The following CSMD3 variants were observed in gnomAD, a reference collection of about 807,000 sequenced individuals.
CSMD3 encodes the protein CUB and sushi domain-containing protein 3.
In CSMD3, 177 loss-of-function variants were observed where a neutral mutation model predicts 435.2. The ratio of observed to expected loss-of-function variants is 0.41; its 90% CI spans 0.36 to 0.46. The LOEUF is 0.46. Ranked by LOEUF, CSMD3 falls within the 20% of genes least tolerant of loss-of-function variation. The probability of loss-of-function intolerance (pLI) is 0.34; values close to 1 mark genes in which losing one functional copy is unlikely to be tolerated. For missense variants in CSMD3, 4,265 were observed against 4,504.6 expected (o/e 0.95, Z 1.52); for synonymous variants, 1,656 against 1,520.5 (o/e 1.09, Z -2.07).
chr8:112,991,401 A>G (rs571831473), intron 6 of CSMD3, among the ~76,000 whole-genome samples: 23 of 151,932 alleles, frequency 1.5e-4, no homozygotes, highest in African/African-American at 5.5e-4. Flanking sequence ...CAACTACAGT[A>G]CATGTGCAAA....
intron 22 of CSMD3, among the ~76,000 whole-genome samples, chr8:112,598,496 T>G (rs200020303): frequency 6.7e-6 from 1 of 148,478 alleles, no homozygotes. Context: ...AATGACTTTC[T>G]TCACAGAATT....
intron 63 of CSMD3, 22 bp downstream of exon 63, chr8:112,254,231 T>C (rs781351981): frequency 1.9e-6 from 3 of 1,567,958 alleles, no homozygotes; most frequent in Admixed American, 1.7e-5. Context: ...TGATGCTAAA[T>C]GGACATAGCT....
intron 5 of CSMD3, among the ~76,000 whole-genome samples, chr8:113,080,831 G>C (rs540483853): frequency 6.6e-6 from 1 of 152,044 alleles, no homozygotes; most frequent in African/African-American, 2.4e-5. Flanking sequence ...AAAAACTCAC[G>C]ATATTTTTAC....
intron 10 of CSMD3, among the ~76,000 whole-genome samples, chr8:112,917,353 T>C (rs1345561754): frequency 6.6e-6 from 1 of 151,894 alleles, no homozygotes; most frequent in Non-Finnish European, 1.5e-5. Context: ...TAAGGGAATA[T>C]TGAAATAGGA....
intron 3 of CSMD3, among the ~76,000 whole-genome samples, chr8:113,232,737 T>C (rs2093102642): frequency 6.6e-6 from 1 of 151,772 alleles, no homozygotes. Flanking sequence ...TAGCATTTGA[T>C]TACCCGTAAG....
In CSMD3 at chr8:112,314,059, G is replaced by A. The variant is rs773445184; in HGVS notation, c.7550-7C>T. 1.6e-5 allele frequency: 26 copies of A among 1,600,326 alleles called. No individual in the cohort carries two copies. The East Asian group carries it at 5.4e-4, about 33-fold the overall frequency. ...GGACTTTGAATATTTGGTCCTTTGG[G>A]AAGAAAATAAAACAATTTAGATAAA... On this transcript the variant is annotated splice_polypyrimidine_tract_variant and splice_region_variant and intron_variant, in intron 48 of 70. Coordinates refer to ENST00000297405, the MANE Select transcript of CSMD3 (RefSeq NM_198123.2).
At chr8:112,683,570 T>C (rs905972820) in intron 15 of CSMD3, among the ~76,000 whole-genome samples, 1 of 152,056 alleles carries the variant, frequency 6.6e-6, no homozygotes, top group African/African-American at 2.4e-5. Flanking sequence ...TCATAGATTA[T>C]AGATTACATG....
chr8:112,865,686 C>CCACACACACA (rs3220985), intron 10 of CSMD3, among the ~76,000 whole-genome samples: 1 of 43,122 alleles, frequency 2.3e-5, no homozygotes, highest in Non-Finnish European at 5.8e-5. Context: ...TTTACATACC[C>CCACACACACA]CACACACACA....
chr8:113,262,449 T>C (rs2093434805), intron 3 of CSMD3, among the ~76,000 whole-genome samples: 1 of 152,058 alleles, frequency 6.6e-6, no homozygotes, highest in Non-Finnish European at 1.5e-5. Flanking sequence ...AGATTTCCAC[T>C]CCTTCCCCAT....
chr8:112,902,788 C>T (rs943384307), intron 10 of CSMD3, among the ~76,000 whole-genome samples: 1 of 151,218 alleles, frequency 6.6e-6, no homozygotes, highest in African/African-American at 2.4e-5. Flanking sequence ...CCTATTGTCA[C>T]AAAAAGCATT....
intron 36 of CSMD3, among the ~76,000 whole-genome samples, chr8:112,390,235 C>G (rs1390414898): frequency 6.6e-6 from 1 of 152,180 alleles, no homozygotes; most frequent in African/African-American, 2.4e-5. Flanking sequence ...TAGGGACATT[C>G]TGTTTTAGCT....
At chr8:112,494,507 C>CTTTA (rs1248434917) in intron 30 of CSMD3, among the ~76,000 whole-genome samples, 1 of 48,640 alleles carries the variant, frequency 2.1e-5, no homozygotes, top group Admixed American at 1.9e-4. Context: ...TTCTTTCTTT[C>CTTTA]TTTCTTTCTT....
At chr8:113,159,432 A>G (rs1305419754) in intron 4 of CSMD3, among the ~76,000 whole-genome samples, 1 of 151,936 alleles carries the variant, frequency 6.6e-6, no homozygotes, top group Non-Finnish European at 1.5e-5. Flanking sequence ...TTTTTCTAAA[A>G]TAGCAATTAT....
chr8:113,331,280 T>G (rs969651304), intron 1 of CSMD3, among the ~76,000 whole-genome samples: 2 of 151,096 alleles, frequency 1.3e-5, no homozygotes, highest in African/African-American at 4.8e-5. Flanking sequence ...CAATAAGAGA[T>G]TGAATGTGTG....
At chr8:112,461,203 C>G (rs2130678483) in intron 32 of CSMD3, among the ~76,000 whole-genome samples, 1 of 152,186 alleles carries the variant, frequency 6.6e-6, no homozygotes, top group South Asian at 2.1e-4. Flanking sequence ...GGGATAGTGT[C>G]AGAAATGATG....
At chr8:112,622,847 C>T (rs1178791124) in intron 22 of CSMD3, among the ~76,000 whole-genome samples, 1 of 151,984 alleles carries the variant, frequency 6.6e-6, no homozygotes, top group Non-Finnish European at 1.5e-5. Flanking sequence ...TAGCATAGTG[C>T]CTAATCATCA....
chr8:112,493,588 A>G (rs1384332829), intron 30 of CSMD3, among the ~76,000 whole-genome samples: 1 of 152,172 alleles, frequency 6.6e-6, no homozygotes, highest in East Asian at 1.9e-4. Flanking sequence ...CAGATTTTCT[A>G]TCCCTATGCA....
intron 32 of CSMD3, among the ~76,000 whole-genome samples, chr8:112,460,026 C>T (rs1817288018): frequency 1.3e-5 from 2 of 152,128 alleles, no homozygotes; most frequent in Non-Finnish European, 2.9e-5. Flanking sequence ...AGCCACCAGC[C>T]TGCCTTAGCT....
chr8:113,434,497 AG>A (rs2094693230), intron 1 of CSMD3, among the ~76,000 whole-genome samples: 2 of 152,218 alleles, frequency 1.3e-5, no homozygotes, highest in Admixed American at 1.3e-4. Flanking sequence ...GATTGACAGC[AG>A]GTCTAAAACA....
Sources: allele counts gnomAD v4.1 joint callset (sites outside exome capture counted in the v4.1 genomes callset), GRCh38; gene constraint gnomAD v4.1.1; transcripts MANE v1.5; gene names NCBI Gene and HGNC (gene_info 2026-07-23, HGNC 2026-07-21).